The following RTN4RL1 variants were observed in gnomAD, a reference collection of about 807,000 sequenced individuals.
RTN4RL1 encodes reticulon 4 receptor like 1.
RTN4RL1 carries 7 observed loss-of-function variants against 25.6 expected under a neutral mutation model. The ratio of observed to expected loss-of-function variants is 0.27; its 90% confidence interval spans 0.16 to 0.51. RTN4RL1 has a LOEUF of 0.51. Among genes scored for constraint, RTN4RL1 ranks in the 20% least tolerant of loss-of-function variants. RTN4RL1 has a pLI of 0.97. For synonymous variants in RTN4RL1, 297 were observed against 288.2 expected (o/e 1.03, Z -0.31); for missense variants, 500 against 615.6 (o/e 0.81, Z 1.99).
At position 1,936,512 on chromosome 17, in the gene RTN4RL1, G is replaced by C. The variant is rs774569320; in HGVS notation, c.1310C>G (p.Ala437Gly). Residue 437 changes from alanine (A) to glycine (G), a missense_variant, in exon 2 of 2, where the codon GCG becomes GGG. Around this residue, in one of 2 missense-constraint regions of RTN4RL1, gnomAD observed 268 missense variants for 274.5 expected, o/e 0.98. Coordinates refer to ENST00000331238, the MANE Select transcript of RTN4RL1 (RefSeq NM_178568.4). ...CCTGGGTCCTCAGCGGAGAGTGACC[G>C]CCAGCCCCAGTGTCCAGGCCAGGAG... is the stretch of plus-strand genomic sequence containing the variant. ...ASLLAWTLGL[A>G]VTLR 10 of 1,546,376 alleles carry C rather than the reference G, an allele frequency of 6.5e-6. No individual in the cohort carries two copies. The South Asian group carries it at 9.5e-5, about 15-fold the overall frequency.
intron 1 of RTN4RL1, among the ~76,000 whole-genome samples, chr17:1,951,975 G>A (rs1915690284): frequency 6.6e-6 from 1 of 152,158 alleles, no homozygotes; most frequent in Admixed American, 6.5e-5. Context: ...CTGAAATCAC[G>A]AGGGACTCAG....
At chr17:1,940,362 C>T (rs1780152233) in intron 1 of RTN4RL1, among the ~76,000 whole-genome samples, 1 of 152,210 alleles carries the variant, frequency 6.6e-6, no homozygotes. Context: ...GTGCTCTCTG[C>T]AGTGACTTCT....
At chr17:1,939,670 T>G (rs1915400572) in intron 1 of RTN4RL1, among the ~76,000 whole-genome samples, 1 of 152,240 alleles carries the variant, frequency 6.6e-6, no homozygotes, top group Admixed American at 6.5e-5. Flanking sequence ...AATAATTTAT[T>G]TTCCGATGTG....
intron 1 of RTN4RL1, among the ~76,000 whole-genome samples, chr17:1,960,789 CA>C (rs1915879582): frequency 6.6e-6 from 1 of 152,094 alleles, no homozygotes; most frequent in Non-Finnish European, 1.5e-5. Flanking sequence ...ATATTTCATA[CA>C]AATGGATCAT....
intron 1 of RTN4RL1, among the ~76,000 whole-genome samples, chr17:1,964,276 A>G (rs1254787246): frequency 1.3e-5 from 2 of 152,228 alleles, no homozygotes; most frequent in African/African-American, 4.8e-5. Context: ...CATATTTTGA[A>G]TATATTTGGT....
intron 1 of RTN4RL1, among the ~76,000 whole-genome samples, chr17:2,011,285 G>A (rs539053911): frequency 1.3e-5 from 2 of 152,232 alleles, no homozygotes; most frequent in South Asian, 4.2e-4. Context: ...AAAAATAAAC[G>A]TTTGTCAAAT....
rs571602942 is a variant in RTN4RL1, at chr17:1,984,374, A to T, written c.13+40479T>A. 5.3e-5 allele frequency among the ~76,000 whole-genome samples: 8 copies of T among 152,198 alleles called. No individual in the cohort carries two copies. In the South Asian group the frequency reaches 1.7e-3, roughly 32 times the overall value. ...ATCCCAGCCGCTGCTGCTTCTTTTCATTCTTTCCAGACAGGGTCTCGCTCT... is the reference window on the plus strand; with the variant it reads ...ATCCCAGCCGCTGCTGCTTCTTTTCTTTCTTTCCAGACAGGGTCTCGCTCT... On this transcript the variant is annotated intron_variant, in intron 1 of 1. Transcript: ENST00000331238.
chr17:1,954,631 A>G (rs1021088190), intron 1 of RTN4RL1, among the ~76,000 whole-genome samples: 2 of 150,618 alleles, frequency 1.3e-5, no homozygotes, highest in African/African-American at 4.9e-5. Context: ...CAGATGATCC[A>G]CCCGCCTCGG....
intron 1 of RTN4RL1, among the ~76,000 whole-genome samples, chr17:1,991,760 T>C (rs562794154): frequency 1.3e-5 from 2 of 152,240 alleles, no homozygotes; most frequent in African/African-American, 4.8e-5. Context: ...CACGGGGGTG[T>C]TGTCATCTAC....
intron 1 of RTN4RL1, among the ~76,000 whole-genome samples, chr17:1,953,046 T>C (rs1008311458): frequency 4.6e-5 from 7 of 151,156 alleles, no homozygotes; most frequent in Non-Finnish European, 1.0e-4. Flanking sequence ...CACTGTATTC[T>C]GGGTGACAGA....
At position 1,998,249 on chromosome 17, in the gene RTN4RL1, G is replaced by A. The variant is rs2066938928; in HGVS notation, c.13+26604C>T. 6.6e-6 allele frequency among the ~76,000 whole-genome samples: 1 copy of A among 152,164 alleles called. No homozygotes were observed. The highest frequency in any genetic ancestry group is 1.5e-5 in the Non-Finnish European group (1 of 67,998). ...CTGTCGCATTGATCCGGAGCTGCAGGGCGAGGGCGGTGCCCAGACCCGGCG... is the reference window on the plus strand; with the variant it reads ...CTGTCGCATTGATCCGGAGCTGCAGAGCGAGGGCGGTGCCCAGACCCGGCG... On this transcript the variant is annotated intron_variant, in intron 1 of 1. Coordinates refer to ENST00000331238, the MANE Select transcript of RTN4RL1 (RefSeq NM_178568.4). This position sits in a 1 kb window ranked among gnomAD's most constrained non-coding sequence, Gnocchi z 4.9.
chr17:1,977,299 G>A (rs1182094082), intron 1 of RTN4RL1, among the ~76,000 whole-genome samples: 1 of 152,182 alleles, frequency 6.6e-6, no homozygotes, highest in African/African-American at 2.4e-5. Context: ...AGTCAGGCCC[G>A]AGAGCGCCCC....
chr17:2,011,166 G>A (rs527278927), intron 1 of RTN4RL1, among the ~76,000 whole-genome samples: 168 of 152,264 alleles, frequency 1.1e-3, no homozygotes, highest in African/African-American at 4.0e-3. Context: ...CAGGAGAATG[G>A]CTTGAACCTG....
intron 1 of RTN4RL1, among the ~76,000 whole-genome samples, chr17:1,976,846 T>C (rs2066844593): frequency 6.6e-6 from 1 of 152,182 alleles, no homozygotes; most frequent in African/African-American, 2.4e-5. Flanking sequence ...TTAGTGGCTA[T>C]TTGCTCTTGG....
At chr17:2,005,969 T>C (rs2066992542) in intron 1 of RTN4RL1, among the ~76,000 whole-genome samples, 1 of 151,468 alleles carries the variant, frequency 6.6e-6, no homozygotes, top group African/African-American at 2.4e-5. Flanking sequence ...CCTTATTTTT[T>C]GTATTTTTTA....
chr17:1,961,520 T>C (rs1287002585), intron 1 of RTN4RL1, among the ~76,000 whole-genome samples: 1 of 151,990 alleles, frequency 6.6e-6, no homozygotes, highest in East Asian at 1.9e-4. Flanking sequence ...TTGGGTTTGA[T>C]ACAACACGTA....
chr17:2,007,562 C>CA (rs1486878037), intron 1 of RTN4RL1, among the ~76,000 whole-genome samples: 1 of 152,162 alleles, frequency 6.6e-6, no homozygotes, highest in African/African-American at 2.4e-5. Context: ...GCCAGGCTGC[C>CA]AGATGCTGGC....
intron 1 of RTN4RL1, among the ~76,000 whole-genome samples, chr17:1,986,181 A>G (rs1038702348): frequency 6.6e-6 from 1 of 152,154 alleles, no homozygotes; most frequent in Non-Finnish European, 1.5e-5. Flanking sequence ...CATAATAACA[A>G]TTAGCATCTC....
At chr17:1,988,381 G>C (rs1190631464) in intron 1 of RTN4RL1, among the ~76,000 whole-genome samples, 1 of 138,596 alleles carries the variant, frequency 7.2e-6, no homozygotes, top group Non-Finnish European at 1.5e-5. Flanking sequence ...TTCCAGCCTG[G>C]TGACAGAGCA....
Sources: gnomAD v4.1 joint callset for allele counts (sites outside exome capture counted in the v4.1 genomes callset) on GRCh38, gnomAD v4.1.1 for gene constraint, gnomAD v4.1.1 regional missense constraint, Gnocchi (gnomAD v3.1) non-coding constraint, MANE v1.5 for transcripts, NCBI Gene and HGNC (gene_info 2026-07-23, HGNC 2026-07-21) for gene names.